ARHGEF3: variants seen among roughly 807,000 people sequenced by gnomAD.
ARHGEF3 encodes Rho guanine nucleotide exchange factor 3, also known as 59.8 kDA protein.
A neutral mutation model predicts 63.2 loss-of-function variants in ARHGEF3; 28 were observed. The observed-to-expected ratio is 0.44, with a 90% confidence interval of 0.33 to 0.61. The LOEUF is 0.61. Among genes scored for constraint, ARHGEF3 ranks in the 20% least tolerant of loss-of-function variants. The probability of loss-of-function intolerance (pLI) is 0.03; values close to 1 mark genes in which losing one functional copy is unlikely to be tolerated. For missense variants in ARHGEF3, 533 were observed against 659.3 expected (o/e 0.81, Z 2.10); for synonymous variants, 266 against 254.2 (o/e 1.05, Z -0.44).
chr3:56,828,490 C>T (rs777888270), intron 4 of ARHGEF3, among the ~76,000 whole-genome samples: 4 of 152,030 alleles, frequency 2.6e-5, no homozygotes, highest in East Asian at 1.9e-4. Context: ...GCCAAGACTG[C>T]GCCACTGGAC....
chr3:57,014,584 T>C (rs1702896653), intron 2 of ARHGEF3, among the ~76,000 whole-genome samples: 1 of 152,242 alleles, frequency 6.6e-6, no homozygotes, highest in East Asian at 1.9e-4. Context: ...ACTATATTTC[T>C]TTATAGTTTT....
chr3:56,872,610 A>C (rs1268014258), intron 4 of ARHGEF3, among the ~76,000 whole-genome samples: 1 of 151,308 alleles, frequency 6.6e-6, no homozygotes, highest in African/African-American at 2.4e-5. Flanking sequence ...CCCTGGTTCA[A>C]GCGACTCTCC....
At chr3:56,904,983 G>A (rs770094074) in intron 3 of ARHGEF3, among the ~76,000 whole-genome samples, 21 of 151,990 alleles carry the variant, frequency 1.4e-4, no homozygotes, top group Non-Finnish European at 2.6e-4. Context: ...TTAATACACC[G>A]AATACTCTGC....
chr3:56,820,715 C>CT (rs2038455231), intron 4 of ARHGEF3, among the ~76,000 whole-genome samples: 1 of 152,142 alleles, frequency 6.6e-6, no homozygotes, highest in Admixed American at 6.5e-5. Context: ...ACAAGGACGT[C>CT]TTTGAGACAA....
At chr3:57,052,786 C>T (rs539282775) in intron 1 of ARHGEF3, among the ~76,000 whole-genome samples, 3 of 152,268 alleles carry the variant, frequency 2.0e-5, no homozygotes, top group Non-Finnish European at 4.4e-5. Context: ...AATCGAAGTG[C>T]GTCCTTCTCC....
chr3:56,865,035 C>T (rs984139947), intron 4 of ARHGEF3, among the ~76,000 whole-genome samples: 1 of 152,132 alleles, frequency 6.6e-6, no homozygotes. Flanking sequence ...TAAAACACAG[C>T]AATAACCCTC....
intron 1 of ARHGEF3, chr3:56,775,218 C>T: frequency 1.4e-6 from 2 of 1,429,542 alleles, no homozygotes; most frequent in Non-Finnish European, 1.8e-6. Context: ...TTTCTGCATC[C>T]CCGTTCTGAA....
At chr3:56,916,546 C>T in intron 3 of ARHGEF3, 2 of 1,278,610 alleles carry the variant, frequency 1.6e-6, no homozygotes, top group African/African-American at 3.1e-5. Context: ...CTCCCCACCT[C>T]TCCTGCTACT....
intron 2 of ARHGEF3, among the ~76,000 whole-genome samples, chr3:56,760,639 C>T (rs2035363764): frequency 1.3e-5 from 2 of 152,156 alleles, no homozygotes; most frequent in South Asian, 4.1e-4. Flanking sequence ...GAGGAGGAAA[C>T]TGAGGTTGAG....
At chr3:56,900,622 C>T (rs2041471492) in intron 3 of ARHGEF3, among the ~76,000 whole-genome samples, 2 of 152,204 alleles carry the variant, frequency 1.3e-5, no homozygotes, top group Non-Finnish European at 2.9e-5. Context: ...AGAGCAAGAT[C>T]CTGTCTCAAA....
intron 7 of ARHGEF3, among the ~76,000 whole-genome samples, chr3:56,740,644 G>T (rs566977187): frequency 6.6e-6 from 1 of 152,268 alleles, no homozygotes; most frequent in East Asian, 1.9e-4. Context: ...AAACAAATGG[G>T]AGGTATCTGA....
rs1329264045 is a variant in ARHGEF3, at chr3:56,844,746, C to T, written c.192+37546G>A. Among the ~76,000 whole-genome samples the T allele has an allele frequency of 1.3e-5, 2 of 152,126 alleles. 1 individual carries two copies. Among genetic ancestry groups the T allele is most frequent in the South Asian group, 4.1e-4 (2 of 4,820 alleles). On this transcript the variant is annotated intron_variant, in intron 4 of 12. Coordinates refer to the ARHGEF3 transcript ENST00000338458. ...AAAACACAGGGTGGTTTTGTGACAA[C>T]CCCAATGTTTTCTGGGAGCCTTCAC...
At chr3:57,004,443 A>G (rs1702392316) in intron 2 of ARHGEF3, among the ~76,000 whole-genome samples, 1 of 152,170 alleles carries the variant, frequency 6.6e-6, no homozygotes, top group Non-Finnish European at 1.5e-5. Flanking sequence ...TGTTCTCTTC[A>G]GTTCCTCACC....
At position 57,054,693 on chromosome 3, in the gene ARHGEF3, G is replaced by T. The variant is rs191287235; in HGVS notation, c.-27-19517C>A. 7.5e-3 allele frequency among the ~76,000 whole-genome samples: 1,106 copies of T among 147,996 alleles called. 6 individuals carry two copies. Among genetic ancestry groups the T allele is most frequent in the Non-Finnish European group, 0.012 (777 of 66,882 alleles). On this transcript the variant is annotated intron_variant, in intron 1 of 12. Coordinates refer to the ARHGEF3 transcript ENST00000338458. ...GGAGTCTCACTCTGTCACCAGGCTG[G>T]AGTGCAGTAGTGCAGTGGCGCAATC...
At chr3:56,758,587 G>A (rs538598731) in intron 2 of ARHGEF3, among the ~76,000 whole-genome samples, 13 of 152,266 alleles carry the variant, frequency 8.5e-5, no homozygotes, top group Admixed American at 3.9e-4. Context: ...CAAGTAGTGG[G>A]GGTGCTCCTG....
At chr3:56,970,833 G>T (rs1447519204) in intron 2 of ARHGEF3, among the ~76,000 whole-genome samples, 1 of 152,256 alleles carries the variant, frequency 6.6e-6, no homozygotes, top group South Asian at 2.1e-4. Context: ...AGAAGCTGGA[G>T]CCGGCTCTGC....
At chr3:56,747,597 G>C (rs1161774839) in intron 6 of ARHGEF3, among the ~76,000 whole-genome samples, 2 of 152,162 alleles carry the variant, frequency 1.3e-5, no homozygotes, top group Non-Finnish European at 2.9e-5. Context: ...TATTACTTTG[G>C]GAGGCACTTG....
At chr3:57,028,980 G>GACACACACACACACAC (rs58006138) in intron 2 of ARHGEF3, among the ~76,000 whole-genome samples, 1,624 of 142,218 alleles carry the variant, frequency 0.011, 13 homozygotes, top group East Asian at 0.022. Flanking sequence ...TAATGGTGAA[G>GACACACACACACACAC]ACACACACAC....
At chr3:57,052,373 T>C (rs978737848) in intron 1 of ARHGEF3, among the ~76,000 whole-genome samples, 16 of 152,144 alleles carry the variant, frequency 1.1e-4, no homozygotes, top group Non-Finnish European at 1.9e-4. Context: ...CTTGGCTCAC[T>C]GCAACCTCCA....
Sources: gnomAD v4.1 joint callset for allele counts (sites outside exome capture counted in the v4.1 genomes callset) on GRCh38, gnomAD v4.1.1 for gene constraint, MANE v1.5 for transcripts, NCBI Gene and HGNC (gene_info 2026-07-23, HGNC 2026-07-21) for gene names.